Variants in CAMKMT observed in about 807,000 individuals in gnomAD.
The protein encoded by CAMKMT is CaM KMT.
CAMKMT carries 53 observed loss-of-function variants against 48.0 expected under a neutral mutation model. That is an observed-to-expected ratio of 1.10 (90% CI 0.89 to 1.39). CAMKMT has a LOEUF of 1.39. CAMKMT is among the 40% of genes most tolerant of loss of function. The probability of loss-of-function intolerance (pLI) is 0.00; values close to 1 mark genes in which losing one functional copy is unlikely to be tolerated. For missense variants in CAMKMT, 428 were observed against 402.7 expected (o/e 1.06, Z -0.54); for synonymous variants, 165 against 152.3 (o/e 1.08, Z -0.61).
intron 2 of CAMKMT, among the ~76,000 whole-genome samples, chr2:44,377,148 A>G (rs538830569): frequency 6.6e-6 from 1 of 152,084 alleles, no homozygotes; most frequent in African/African-American, 2.4e-5. Flanking sequence ...CTAGGACTAC[A>G]GTTACATGCC....
intron 3 of CAMKMT, among the ~76,000 whole-genome samples, chr2:44,688,842 T>A (rs1676479497): frequency 6.6e-6 from 1 of 152,232 alleles, no homozygotes; most frequent in Non-Finnish European, 1.5e-5. Flanking sequence ...CCTAACAGCC[T>A]GATACCAGGA....
intron 3 of CAMKMT, among the ~76,000 whole-genome samples, chr2:44,517,447 A>G (rs1670888751): frequency 6.6e-6 from 1 of 152,200 alleles, no homozygotes; most frequent in African/African-American, 2.4e-5. Flanking sequence ...TGTTGTGAGT[A>G]TGGGATTTTA....
In CAMKMT at chr2:44,623,116, T is replaced by C. The variant is rs149635481; in HGVS notation, c.377-81167T>C. Among the ~76,000 whole-genome samples the C allele has an allele frequency of 7.2e-4, 109 of 152,276 alleles. 2 individuals are homozygous for C. The East Asian group carries it at 0.019, about 26-fold the overall frequency. ...CATTTTTTCATGTGTTTATTGGCCA[T>C]TTGTATGTCTTCTTTTGAGAAGTGT... On this transcript the variant is annotated intron_variant, in intron 3 of 10. Transcript: ENST00000378494.
At chr2:44,372,607 C>A in intron 1 of CAMKMT, 109 bp from the exon 2 acceptor site, 1 of 817,846 alleles carries the variant, frequency 1.2e-6, no homozygotes, top group Non-Finnish European at 1.9e-6. Flanking sequence ...TCTAATCTGT[C>A]ATTATTAGAA....
intron 3 of CAMKMT, among the ~76,000 whole-genome samples, chr2:44,664,495 G>T (rs1008735694): frequency 2.0e-5 from 3 of 152,140 alleles, no homozygotes; most frequent in Non-Finnish European, 4.4e-5. Context: ...AGACATGTTC[G>T]GTAATCAGTG....
intron 3 of CAMKMT, among the ~76,000 whole-genome samples, chr2:44,552,483 A>C (rs943447538): frequency 1.3e-5 from 2 of 152,202 alleles, no homozygotes; most frequent in African/African-American, 4.8e-5. Flanking sequence ...AACAACTCCA[A>C]AATCCTGGAA....
intron 6 of CAMKMT, among the ~76,000 whole-genome samples, chr2:44,709,629 T>C (rs1677764499): frequency 6.6e-6 from 1 of 152,180 alleles, no homozygotes. Context: ...TTTTTTTTTC[T>C]ATTTGCATGC....
chr2:44,400,864 A>G (rs1177431723), intron 3 of CAMKMT: 1 of 149,716 alleles, frequency 6.7e-6, no homozygotes, highest in Non-Finnish European at 1.5e-5. Context: ...AAGTAGAACT[A>G]CTGGAGAAGT....
At position 44,581,994 on chromosome 2, in the gene CAMKMT, G is replaced by A. The variant is rs1424426463; in HGVS notation, c.377-122289G>A. Among the ~76,000 whole-genome samples the A allele has an allele frequency of 9.2e-5, 14 of 152,198 alleles. No individual in the cohort carries two copies. The East Asian group carries it at 1.2e-3, about 13-fold the overall frequency. ...AGGCTGGGCAACAAAGCGAGACTCCGTCTCAAAAACAAAAACAAAAACTAG... is the reference window on the plus strand; with the variant it reads ...AGGCTGGGCAACAAAGCGAGACTCCATCTCAAAAACAAAAACAAAAACTAG... On this transcript the variant is annotated intron_variant, in intron 3 of 10. Transcript: ENST00000378494.
chr2:44,504,292 C>G (rs913848903), intron 3 of CAMKMT, among the ~76,000 whole-genome samples: 1 of 152,128 alleles, frequency 6.6e-6, no homozygotes, highest in African/African-American at 2.4e-5. Context: ...ACACACTGCT[C>G]AAATGACTTA....
chr2:44,362,112 C>T lies in CAMKMT; in HGVS notation c.105C>T (p.Pro35=). The change falls in exon 1 of 11, where the codon CCC becomes CCT. Residue 35 remains proline, a synonymous_variant. Transcript: ENST00000378494. ...CTCGGGGGCCCGTAGTCTCGGCGCC[C>T]CTGGGAGCCGCCCGGTGGAAGCTCC... The part of the protein sequence containing the change: ...CTTRGPVVSA[P]LGAARWKLLR... The T allele has an allele frequency of 6.8e-7, 1 of 1,471,376 alleles. No homozygotes were observed. The highest frequency in any genetic ancestry group is 8.9e-7 in the Non-Finnish European group (1 of 1,122,580). The allele number at this position is 1,471,376 out of a possible 1,614,324, so 91.1% of individuals were successfully genotyped here.
chr2:44,749,795 C>T lies in CAMKMT; in HGVS notation c.699-4260C>T, dbSNP rs541827858. Among the ~76,000 whole-genome samples the T allele has an allele frequency of 4.6e-5, 7 of 152,238 alleles. No homozygotes were observed. The South Asian group carries it at 6.2e-4, about 14-fold the overall frequency. On this transcript the variant is annotated intron_variant, in intron 8 of 10. Coordinates refer to ENST00000378494, the MANE Select transcript of CAMKMT (RefSeq NM_024766.5). ...GCTCCACGCAACAGCCCCCTCTGAG[C>T]GAGGACAGCAGCCCTCCCACTGACA...
intron 3 of CAMKMT, among the ~76,000 whole-genome samples, chr2:44,579,159 T>G (rs1309672655): frequency 5.3e-5 from 8 of 152,356 alleles, no homozygotes; most frequent in African/African-American, 1.9e-4. Context: ...ATTTATACAC[T>G]TAACAATTTC....
At chr2:44,506,142 C>T (rs1670251042) in intron 3 of CAMKMT, among the ~76,000 whole-genome samples, 1 of 152,090 alleles carries the variant, frequency 6.6e-6, no homozygotes, top group Admixed American at 6.6e-5. Flanking sequence ...CAGGCATGAG[C>T]CACCGCATCC....
At chr2:44,689,922 G>A (rs941987286) in intron 3 of CAMKMT, among the ~76,000 whole-genome samples, 1 of 152,222 alleles carries the variant, frequency 6.6e-6, no homozygotes, top group Non-Finnish European at 1.5e-5. Flanking sequence ...CAATATTGGA[G>A]AGGGAAAATC....
intron 7 of CAMKMT, among the ~76,000 whole-genome samples, chr2:44,729,826 C>A (rs1445709542): frequency 6.6e-6 from 1 of 152,160 alleles, no homozygotes; most frequent in Non-Finnish European, 1.5e-5. Flanking sequence ...CTGACCAGCA[C>A]CACCAGCATC....
At chr2:44,620,770 G>T (rs1326681984) in intron 3 of CAMKMT, among the ~76,000 whole-genome samples, 1 of 152,136 alleles carries the variant, frequency 6.6e-6, no homozygotes, top group African/African-American at 2.4e-5. Context: ...TTCCAAAAAA[G>T]TTAATGTTTA....
At chr2:44,624,516 C>T (rs996549647) in intron 3 of CAMKMT, among the ~76,000 whole-genome samples, 11 of 152,170 alleles carry the variant, frequency 7.2e-5, no homozygotes, top group African/African-American at 2.4e-4. Context: ...TGTGATGTTC[C>T]CCTTCCTGTG....
chr2:44,518,166 T>C (rs1670927014), intron 3 of CAMKMT, among the ~76,000 whole-genome samples: 1 of 152,124 alleles, frequency 6.6e-6, no homozygotes, highest in African/African-American at 2.4e-5. Context: ...AACACTTTTT[T>C]TTTTCAAGAA....
Sources: gnomAD v4.1 joint callset for allele counts (sites outside exome capture counted in the v4.1 genomes callset) on GRCh38, gnomAD v4.1.1 for gene constraint, MANE v1.5 for transcripts, NCBI Gene and HGNC (gene_info 2026-07-23, HGNC 2026-07-21) for gene names.